DPP10: variants seen among roughly 807,000 people sequenced by gnomAD.
The protein encoded by DPP10 is inactive dipeptidyl peptidase 10.
A neutral mutation model predicts 120.9 loss-of-function variants in DPP10; 33 were observed. The observed-to-expected ratio is 0.27, with a 90% CI of 0.21 to 0.37. The LOEUF (loss-of-function observed/expected upper bound fraction) is 0.37, where lower values mean the gene tolerates loss of function less well. Among genes scored for constraint, DPP10 ranks in the 10% least tolerant of loss-of-function variants. The pLI is 1.00. For missense variants in DPP10, 816 were observed against 942.8 expected (o/e 0.87, Z 1.76); for synonymous variants, 337 against 326.1 (o/e 1.03, Z -0.36).
chr2:115,164,860 G>GAGGGACCGTGT (rs1363941040), intron 1 of DPP10, among the ~76,000 whole-genome samples: 1 of 152,354 alleles, frequency 6.6e-6, no homozygotes, highest in East Asian at 1.9e-4. Context: ...ACAAGAATAG[G>GAGGGACCGTGT]AGGGACCGTG....
chr2:115,047,931 A>G (rs1705189103), intron 1 of DPP10, among the ~76,000 whole-genome samples: 1 of 151,944 alleles, frequency 6.6e-6, no homozygotes, highest in Non-Finnish European at 1.5e-5. Context: ...TCTCTCACCT[A>G]CTGTTCCCAC....
At chr2:115,550,622 A>C (rs566793081) in intron 5 of DPP10, among the ~76,000 whole-genome samples, 1 of 152,212 alleles carries the variant, frequency 6.6e-6, no homozygotes, top group East Asian at 1.9e-4. Context: ...TTAGGCTGTG[A>C]CCTATTTTCT....
At chr2:115,343,443 C>T (rs560392294) in intron 2 of DPP10, among the ~76,000 whole-genome samples, 3 of 152,106 alleles carry the variant, frequency 2.0e-5, no homozygotes, top group South Asian at 4.1e-4. Flanking sequence ...TGTACATTTC[C>T]AATGAAAGAA....
intron 16 of DPP10, 60 bp from the exon 17 acceptor site, chr2:115,782,292 T>C: frequency 6.9e-7 from 1 of 1,455,628 alleles, no homozygotes; most frequent in Non-Finnish European, 9.5e-7. Flanking sequence ...ATGTAAACTT[T>C]CTAATGATTA....
At chr2:114,473,224 G>T (rs1201899631) in intron 1 of DPP10, among the ~76,000 whole-genome samples, 2 of 152,100 alleles carry the variant, frequency 1.3e-5, no homozygotes, top group Non-Finnish European at 2.9e-5. Context: ...TTAAGAGCAT[G>T]AAAAAATAAA....
intron 3 of DPP10, among the ~76,000 whole-genome samples, chr2:115,470,686 C>G (rs78427492): frequency 0.067 from 10,121 of 152,190 alleles, 445 homozygotes; most frequent in Middle Eastern, 0.12. Context: ...AAAGCCATTT[C>G]TGCATAATTT....
chr2:115,608,985 G>C (rs1257091713), intron 5 of DPP10, among the ~76,000 whole-genome samples: 1 of 151,838 alleles, frequency 6.6e-6, no homozygotes, highest in African/African-American at 2.4e-5. Context: ...ATTCCAGGAA[G>C]AAAGAACCGA....
intron 1 of DPP10, among the ~76,000 whole-genome samples, chr2:114,829,586 A>G (rs1686891874): frequency 6.7e-6 from 1 of 149,296 alleles, no homozygotes; most frequent in Non-Finnish European, 1.5e-5. Flanking sequence ...CATGTTGGCC[A>G]GGCTGGTCTC....
chr2:115,815,131 T>G, intron 20 of DPP10, 144 bp downstream of exon 20: 1 of 772,758 alleles, frequency 1.3e-6, no homozygotes, highest in East Asian at 2.9e-5. Flanking sequence ...CTATTTCATT[T>G]TTTTTTTGAA....
At chr2:115,711,687 G>A (rs2092320300) in intron 7 of DPP10, among the ~76,000 whole-genome samples, 1 of 152,062 alleles carries the variant, frequency 6.6e-6, no homozygotes, top group Non-Finnish European at 1.5e-5. Context: ...AGAAGATAAA[G>A]GTATCAGAAA....
intron 1 of DPP10, among the ~76,000 whole-genome samples, chr2:115,260,598 T>A (rs1451065338): frequency 6.6e-6 from 1 of 152,246 alleles, no homozygotes. Context: ...TAAGTTACTC[T>A]TATTCATGAA....
At chr2:115,815,058 A>G in intron 20 of DPP10, 71 bp downstream of exon 20, 1 of 1,351,932 alleles carries the variant, frequency 7.4e-7, no homozygotes, top group Non-Finnish European at 9.8e-7. Context: ...ATATAATATT[A>G]CTAACCCTGA....
At chr2:115,217,224 A>T (rs570167586) in intron 1 of DPP10, among the ~76,000 whole-genome samples, 54 of 152,358 alleles carry the variant, frequency 3.5e-4, no homozygotes, top group Non-Finnish European at 6.0e-4. Context: ...AACTTAGGAT[A>T]ATTATCTAAT....
intron 1 of DPP10, among the ~76,000 whole-genome samples, chr2:115,110,035 A>C (rs907894973): frequency 2.0e-5 from 3 of 152,334 alleles, no homozygotes; most frequent in African/African-American, 7.2e-5. Flanking sequence ...AAAATAAAAT[A>C]TATCAAAGAA....
chr2:115,328,017 T>C (rs2062467697), intron 2 of DPP10, among the ~76,000 whole-genome samples: 1 of 152,072 alleles, frequency 6.6e-6, no homozygotes, highest in Non-Finnish European at 1.5e-5. Context: ...TTTTGATTTC[T>C]GTGACCCCTG....
chr2:115,553,755 A>G (rs1332040218), intron 5 of DPP10, among the ~76,000 whole-genome samples: 1 of 151,802 alleles, frequency 6.6e-6, no homozygotes, highest in East Asian at 1.9e-4. Flanking sequence ...CATGATTTGG[A>G]TTCATGGCTG....
At chr2:114,673,390 A>G (rs1387612024) in intron 1 of DPP10, among the ~76,000 whole-genome samples, 1 of 152,076 alleles carries the variant, frequency 6.6e-6, no homozygotes, top group African/African-American at 2.4e-5. Context: ...CTCATCCAAC[A>G]GGAAAGATTT....
chr2:115,226,848 GACTT>G (rs1172204281), intron 1 of DPP10, among the ~76,000 whole-genome samples: 2 of 152,172 alleles, frequency 1.3e-5, no homozygotes, highest in East Asian at 3.9e-4. Context: ...GTTGTTAAGG[GACTT>G]ACATTTGTAT....
At chr2:114,654,851 A>G (rs1696856718) in intron 1 of DPP10, among the ~76,000 whole-genome samples, 1 of 152,140 alleles carries the variant, frequency 6.6e-6, no homozygotes, top group South Asian at 2.1e-4. Context: ...AAGTCCTTGA[A>G]CAAGTACCTG....
Sources: gnomAD v4.1 joint callset for allele counts (sites outside exome capture counted in the v4.1 genomes callset) on GRCh38, gnomAD v4.1.1 for gene constraint, MANE v1.5 for transcripts, NCBI Gene and HGNC (gene_info 2026-07-23, HGNC 2026-07-21) for gene names.